The following ZNF568 variants were observed in gnomAD, a reference collection of about 807,000 sequenced individuals.
ZNF568 encodes p53 inhibitor of SCO2 activation.
Under a neutral mutation model 18.1 loss-of-function variants are expected in ZNF568, and 11 were observed. That is an observed-to-expected ratio of 0.61 (90% CI 0.38 to 1.00). ZNF568 has a LOEUF of 1.00. ZNF568 is among the 50% of genes least tolerant of loss of function. The pLI is 0.01. For missense variants in ZNF568, 639 were observed against 768.2 expected (o/e 0.83, Z 1.99); for synonymous variants, 213 against 246.6 (o/e 0.86, Z 1.28).
In ZNF568 at chr19:36,934,362, G is replaced by A. The variant is rs552891281; in HGVS notation, c.136-2384G>A. 3.4e-5 allele frequency among the ~76,000 whole-genome samples: 5 copies of A among 147,316 alleles called. No individual in the cohort carries two copies. The South Asian group carries it at 1.1e-3, about 32-fold the overall frequency. On this transcript the variant is annotated intron_variant, in intron 4 of 6. Coordinates refer to ENST00000333987, the MANE Select transcript of ZNF568 (RefSeq NM_198539.4). ...CTCACTCTGTCACCCAGGCTGAAGTGCAGTGGCATGATCATGGCTCAGTGC... is the reference window on the plus strand; with the variant it reads ...CTCACTCTGTCACCCAGGCTGAAGTACAGTGGCATGATCATGGCTCAGTGC...
At chr19:36,972,624 C>T (rs1278993774) in intron 6 of ZNF568, among the ~76,000 whole-genome samples, 1 of 151,574 alleles carries the variant, frequency 6.6e-6, no homozygotes, top group Non-Finnish European at 1.5e-5. Flanking sequence ...AGCCACCCGG[C>T]TTTATCGGGA....
chr19:36,997,631 A>G (rs747288472), downstream of ZNF568: 9 of 1,494,912 alleles, frequency 6.0e-6, no homozygotes, highest in Admixed American at 1.9e-5. Flanking sequence ...GAGAAACCAT[A>G]TGAATGTCAG....
Position 36,952,144 on chromosome 19 carries a change from T to G in ZNF568, c.*1056T>G. The G allele has an allele frequency of 9.3e-4, 388 of 418,272 alleles. No homozygotes were observed. The highest frequency in any genetic ancestry group is 2.5e-3 in the Middle Eastern group (2 of 804). The allele number at this position is 418,272 out of a possible 1,614,324, so 25.9% of individuals were successfully genotyped here. On this transcript the variant is annotated 3_prime_UTR_variant, in exon 7 of 7. Coordinates refer to ENST00000333987, the MANE Select transcript of ZNF568 (RefSeq NM_198539.4). ...TAATGCATAAGAAATATATATATAA[T>G]ATATGTATGTATGTATAGCCAGATG... is the stretch of plus-strand genomic sequence containing the variant.
downstream of ZNF568, among the ~76,000 whole-genome samples, chr19:36,984,114 T>C (rs2074355360): frequency 2.0e-5 from 3 of 152,174 alleles, no homozygotes; most frequent in South Asian, 4.2e-4. Flanking sequence ...TTAGCCAGGA[T>C]GGTCTCGATC....
intron 4 of ZNF568, chr19:36,996,222 A>T: frequency 1.0e-6 from 1 of 996,304 alleles, no homozygotes; most frequent in African/African-American, 1.6e-5. Flanking sequence ...AGAATTGCTT[A>T]TTAACTATTT....
At chr19:36,964,553 C>T (rs2074179774) in intron 6 of ZNF568, among the ~76,000 whole-genome samples, 1 of 152,174 alleles carries the variant, frequency 6.6e-6, no homozygotes, top group African/African-American at 2.4e-5. Context: ...TGGCTCATGC[C>T]TATAATCCTC....
chr19:36,933,401 G>A (rs981303423), intron 4 of ZNF568, among the ~76,000 whole-genome samples: 3 of 136,926 alleles, frequency 2.2e-5, no homozygotes, highest in Non-Finnish European at 4.7e-5. Flanking sequence ...TTTGTTGGAT[G>A]TTGGGTTTTT....
rs1278710788 is a variant in ZNF568 at position 36,950,940 on chromosome 19, C to G, written c.1787C>G (p.Ser596Cys). The change falls in exon 7 of 7, where the codon TCT becomes TGT. Residue 596 changes from serine to cysteine, a missense_variant. Transcript: ENST00000333987. ...YECNKCGKAF[S>C]QCSLLIIHMR... is the part of the protein sequence containing the mutation. ...TGTAATAAATGTGGGAAAGCCTTTT[C>G]TCAGTGCTCATTACTTATTATACAT... 2 of 1,613,654 alleles carry G rather than the reference C, an allele frequency of 1.2e-6. No individual in the cohort carries two copies. The highest frequency in any genetic ancestry group is 2.7e-5 in the African/African-American group (2 of 74,906).
chr19:36,980,432 A>G (rs1568405908), downstream of ZNF568: 1 of 152,170 alleles, frequency 6.6e-6, no homozygotes, highest in Non-Finnish European at 1.5e-5. Flanking sequence ...ATTGTAAAGG[A>G]TTAGGCAAAC....
At chr19:36,985,717 T>G (rs2074370767) in intron 2 of ZNF568, among the ~76,000 whole-genome samples, 2 of 152,174 alleles carry the variant, frequency 1.3e-5, no homozygotes, top group Non-Finnish European at 2.9e-5. Context: ...GAGATGGGGT[T>G]TCCCCAGATT....
At chr19:36,968,861 C>CTT (rs111450122) in intron 6 of ZNF568, among the ~76,000 whole-genome samples, 49 of 147,666 alleles carry the variant, frequency 3.3e-4, no homozygotes, top group Middle Eastern at 7.0e-3. Flanking sequence ...TGAATGAGTT[C>CTT]TTTTTTTTTT....
At chr19:36,969,545 G>T (rs1357716057) in intron 6 of ZNF568, among the ~76,000 whole-genome samples, 1 of 152,050 alleles carries the variant, frequency 6.6e-6, no homozygotes, top group Non-Finnish European at 1.5e-5. Flanking sequence ...CTAAAATCCA[G>T]GTGTCATAAA....
chr19:36,985,459 T>C (rs147214188), intron 2 of ZNF568, among the ~76,000 whole-genome samples: 154 of 152,330 alleles, frequency 1.0e-3, no homozygotes, highest in African/African-American at 3.6e-3. Flanking sequence ...TGACTGATTT[T>C]CCTGACTCTT....
At position 36,937,112 on chromosome 19, in the gene ZNF568, T is replaced by C. The variant is rs374182731; in HGVS notation, c.263-35T>C. ...AAGATCTGAATGGTTGTCTCCAGCA[T>C]TGACATCCACATCCTTTGCTATTTC... On this transcript the variant is annotated intron_variant, in intron 5 of 6. Coordinates refer to ENST00000333987, the MANE Select transcript of ZNF568 (RefSeq NM_198539.4). The C allele has an allele frequency of 3.5e-5, 56 of 1,591,040 alleles. No homozygotes were observed. The African/African-American group carries it at 6.6e-4, about 19-fold the overall frequency.
In ZNF568 at chr19:36,922,694, A is replaced by C; in HGVS notation, c.-77A>C. On this transcript the variant is annotated 5_prime_UTR_variant, in exon 3 of 7. Transcript: ENST00000333987. ...ACCTGAGACCTGCCTTAGAGGCTGG[A>C]GAGTCCTGAAAGAGAGTGGACCCTG... is the stretch of plus-strand genomic sequence containing the variant. The C allele has an allele frequency of 7.8e-7, 1 of 1,289,868 alleles. No individual in the cohort carries two copies. The highest frequency in any genetic ancestry group is 1.8e-5 in the Admixed American group (1 of 56,772). The allele number at this position is 1,289,868 out of a possible 1,614,324, so 79.9% of individuals were successfully genotyped here.
chr19:36,994,590 A>G (rs1600864259), intron 4 of ZNF568, among the ~76,000 whole-genome samples: 1 of 152,172 alleles, frequency 6.6e-6, no homozygotes. Context: ...TTAGGTGTAT[A>G]TGTACTTACA....
At chr19:36,967,135 G>GA (rs1213546401) in intron 6 of ZNF568, among the ~76,000 whole-genome samples, 1 of 152,166 alleles carries the variant, frequency 6.6e-6, no homozygotes, top group Non-Finnish European at 1.5e-5. Context: ...ACTCACCCTT[G>GA]GGAAAGACCT....
downstream of ZNF568, among the ~76,000 whole-genome samples, chr19:36,980,880 C>A (rs992031161): frequency 2.0e-5 from 3 of 152,152 alleles, no homozygotes; most frequent in South Asian, 6.2e-4. Flanking sequence ...GCTCAAAGTC[C>A]CAAGACCGAT....
intron 2 of ZNF568, among the ~76,000 whole-genome samples, chr19:36,920,579 T>G (rs947452058): frequency 6.7e-6 from 1 of 148,214 alleles, no homozygotes; most frequent in Admixed American, 6.8e-5. Flanking sequence ...GCCAAGATGG[T>G]GCCATTACTC....
Sources: gnomAD v4.1 joint callset for allele counts (sites outside exome capture counted in the v4.1 genomes callset) on GRCh38, gnomAD v4.1.1 for gene constraint, MANE v1.5 for transcripts, NCBI Gene and HGNC (gene_info 2026-07-23, HGNC 2026-07-21) for gene names.